Variants in MCPH1 observed in about 807,000 individuals in gnomAD.
The protein encoded by MCPH1 is microcephalin 1, also known as microcephalin.
A neutral mutation model predicts 84.5 loss-of-function variants in MCPH1; 104 were observed. The observed-to-expected ratio is 1.23, with a 90% confidence interval of 1.05 to 1.45. The LOEUF is 1.45. MCPH1 is among the 40% of genes most tolerant of loss of function. The pLI, the probability that MCPH1 is intolerant of heterozygous loss-of-function variation, is 0.00. For synonymous variants in MCPH1, 514 were observed against 366.8 expected, an observed-to-expected ratio of 1.40 and a Z score of -4.58; for missense variants, 1,498 against 1,005.7, an observed-to-expected ratio of 1.49 and a Z score of -6.62.
At chr8:6,622,305 C>T (rs1489402531) in intron 13 of MCPH1, 9 of 160,434 alleles carry the variant, frequency 5.6e-5, no homozygotes, top group South Asian at 1.8e-4. Flanking sequence ...GAGCTGAGAT[C>T]GGAGGAGGCT....
chr8:6,449,817 C>T (rs1276818341), intron 8 of MCPH1, among the ~76,000 whole-genome samples: 2 of 152,126 alleles, frequency 1.3e-5, no homozygotes, highest in African/African-American at 2.4e-5. Flanking sequence ...AAATGTGTCC[C>T]ACCTGACCCT....
intron 12 of MCPH1, among the ~76,000 whole-genome samples, chr8:6,567,082 G>A (rs113899032): frequency 0.04 from 4,908 of 121,690 alleles, 199 homozygotes; most frequent in East Asian, 0.087. Flanking sequence ...TGTGGTGACC[G>A]TGTGTGATCG....
chr8:6,539,682 G>C (rs1055815321), intron 12 of MCPH1, among the ~76,000 whole-genome samples: 1 of 152,136 alleles, frequency 6.6e-6, no homozygotes, highest in Non-Finnish European at 1.5e-5. Flanking sequence ...TGCCTCCCTG[G>C]TTCAAACGAT....
rs58785647 is a variant in MCPH1, at chr8:6,468,623, C to G, written c.1936-8971C>G. On this transcript the variant is annotated intron_variant, in intron 9 of 13. Transcript: ENST00000344683. ...GAACACTTTAGACACTAATGATGAA[C>G]TACTTGGATGTACATTTTTTTGGTT... 1.3e-3 allele frequency among the ~76,000 whole-genome samples: 188 copies of G among 148,302 alleles called. 3 individuals are homozygous for G. In the East Asian group the frequency reaches 0.031, roughly 24 times the overall value.
chr8:6,527,134 C>G (rs544477525), intron 12 of MCPH1, among the ~76,000 whole-genome samples: 1 of 152,260 alleles, frequency 6.6e-6, no homozygotes, highest in South Asian at 2.1e-4. Flanking sequence ...GCCAGTGGTT[C>G]TTTCACTCCA....
At chr8:6,498,155 A>G (rs778170567) in intron 11 of MCPH1, among the ~76,000 whole-genome samples, 2 of 152,258 alleles carry the variant, frequency 1.3e-5, no homozygotes, top group Non-Finnish European at 2.9e-5. Context: ...CACTATTTTC[A>G]TTATGTAATG....
chr8:6,450,211 T>A lies in MCPH1; in HGVS notation c.1825+4664T>A, dbSNP rs115316428. On this transcript the variant is annotated intron_variant, in intron 8 of 13. Transcript: ENST00000344683. Reference sequence around the variant, plus strand: ...TGGTTAACTACTCTTCTACCTTCTATCTACCAGATCTTGTTGAAGGCAAGT... The same window carrying A: ...TGGTTAACTACTCTTCTACCTTCTAACTACCAGATCTTGTTGAAGGCAAGT... Among the ~76,000 whole-genome samples, 278 of 152,282 alleles carry A rather than the reference T, an allele frequency of 1.8e-3. 1 individual carries two copies. Among genetic ancestry groups the A allele is most frequent in the African/African-American group, 6.4e-3 (265 of 41,542 alleles).
intron 12 of MCPH1, chr8:6,617,211 A>G (rs1050026489): frequency 1.6e-4 from 23 of 143,394 alleles, no homozygotes; most frequent in African/African-American, 5.7e-4. Context: ...AAATGAATAC[A>G]CTGTTGTTTA....
intron 10 of MCPH1, among the ~76,000 whole-genome samples, chr8:6,479,356 C>T (rs1267151916): frequency 6.6e-6 from 1 of 151,312 alleles, no homozygotes; most frequent in South Asian, 2.1e-4. Flanking sequence ...AACCTCTTCC[C>T]CTTTGTAATA....
chr8:6,626,097 A>G, intron 13 of MCPH1: 4 of 985,294 alleles, frequency 4.1e-6, no homozygotes, highest in Non-Finnish European at 4.8e-6. Flanking sequence ...ACAACTCCAT[A>G]TCTATGACGA....
intron 12 of MCPH1, among the ~76,000 whole-genome samples, chr8:6,554,032 A>T (rs2129575144): frequency 6.6e-6 from 1 of 151,634 alleles, no homozygotes; most frequent in East Asian, 1.9e-4. Flanking sequence ...TTCATCCCTG[A>T]AATTTGCCGG....
At chr8:6,449,376 G>A (rs915855285) in intron 8 of MCPH1, among the ~76,000 whole-genome samples, 4 of 152,186 alleles carry the variant, frequency 2.6e-5, no homozygotes, top group Non-Finnish European at 5.9e-5. Flanking sequence ...GCTCACGCCT[G>A]TAATCTCAGC....
chr8:6,568,308 G>C (rs1435879890), intron 12 of MCPH1, among the ~76,000 whole-genome samples: 1 of 140,430 alleles, frequency 7.1e-6, no homozygotes, highest in Non-Finnish European at 1.5e-5. Flanking sequence ...CCCATCGCTA[G>C]CTGAATGTGG....
chr8:6,571,923 A>G (rs983069191), intron 12 of MCPH1, among the ~76,000 whole-genome samples: 4 of 152,184 alleles, frequency 2.6e-5, no homozygotes, highest in African/African-American at 9.7e-5. Flanking sequence ...CCCCTCATGA[A>G]TCTTAGTTGT....
chr8:6,551,254 A>G (rs1162294425), intron 12 of MCPH1, among the ~76,000 whole-genome samples: 1 of 152,062 alleles, frequency 6.6e-6, no homozygotes, highest in Non-Finnish European at 1.5e-5. Context: ...TTTCTCATGC[A>G]GAGACTGTTT....
chr8:6,633,714 C>T (rs1173639185), intron 13 of MCPH1, among the ~76,000 whole-genome samples: 2 of 152,150 alleles, frequency 1.3e-5, no homozygotes, highest in African/African-American at 2.4e-5. Context: ...TAAAATGGCA[C>T]GTGTGCAGGC....
At chr8:6,629,229 A>G (rs1796980696) in intron 13 of MCPH1, among the ~76,000 whole-genome samples, 1 of 152,214 alleles carries the variant, frequency 6.6e-6, no homozygotes, top group Admixed American at 6.5e-5. Flanking sequence ...TTGGGAGGCC[A>G]GGGCCGGCAG....
At chr8:6,582,115 T>C (rs1827611203) in intron 12 of MCPH1, among the ~76,000 whole-genome samples, 1 of 152,190 alleles carries the variant, frequency 6.6e-6, no homozygotes. Context: ...ATGGGAAGCC[T>C]GTGTTGTAAA....
chr8:6,497,401 G>A (rs1048443175), intron 11 of MCPH1, among the ~76,000 whole-genome samples: 1 of 152,160 alleles, frequency 6.6e-6, no homozygotes, highest in African/African-American at 2.4e-5. Flanking sequence ...TACACAGGAG[G>A]CTGAGTCAGG....
Sources: gnomAD v4.1 joint callset for allele counts (sites outside exome capture counted in the v4.1 genomes callset) on GRCh38, gnomAD v4.1.1 for gene constraint, MANE v1.5 for transcripts, NCBI Gene and HGNC (gene_info 2026-07-23, HGNC 2026-07-21) for gene names.